CUL2: variants seen among roughly 807,000 people sequenced by gnomAD.
The protein encoded by CUL2 is cullin 2, also known as cullin-2.
In CUL2, 22 loss-of-function variants were observed where a neutral mutation model predicts 110.2. That is an observed-to-expected ratio of 0.20 (90% CI 0.14 to 0.28). The LOEUF (loss-of-function observed/expected upper bound fraction) is 0.28. Among genes scored for constraint, CUL2 ranks in the 10% least tolerant of loss-of-function variants. The pLI, the probability that CUL2 is intolerant of heterozygous loss-of-function variation, is 1.00. For synonymous variants in CUL2, 279 were observed against 293.2 expected, an observed-to-expected ratio of 0.95 and a Z score of 0.49; for missense variants, 631 against 905.5, an observed-to-expected ratio of 0.70 and a Z score of 3.89.
chr10:35,064,115 A>G (rs1015105467), intron 2 of CUL2: 1 of 152,186 alleles, frequency 6.6e-6, no homozygotes, highest in Non-Finnish European at 1.5e-5. Context: ...AAGATAATGA[A>G]TCTTTCCCTG....
In CUL2 at chr10:35,009,238, G is replaced by A. The variant is rs1019451681; in HGVS notation, c.*1073C>T. 7.6e-5 allele frequency: 11 copies of A among 145,506 alleles called. No homozygotes were observed. Among genetic ancestry groups the A allele is most frequent in the Middle Eastern group, 3.6e-3 (1 of 278 alleles). 9.0% of individuals were successfully genotyped at this position (145,506 alleles called of 1,614,324 possible). A position where few individuals can be genotyped will look rare whatever the true frequency, so the allele number is the denominator to read the frequency against. On this transcript the variant is annotated 3_prime_UTR_variant, in exon 21 of 21. Coordinates refer to ENST00000374749, the MANE Select transcript of CUL2 (RefSeq NM_003591.4). ...ATATATATAAAATAAACAAAATAAT[G>A]GGATTTATATATGTGGCACCCAGTA... is the stretch of plus-strand genomic sequence containing the variant.
At chr10:35,043,137 C>T (rs1159189695) in intron 8 of CUL2, among the ~76,000 whole-genome samples, 1 of 152,080 alleles carries the variant, frequency 6.6e-6, no homozygotes, top group Non-Finnish European at 1.5e-5. Context: ...AATAATATTC[C>T]AATGCACATA....
chr10:35,014,021 A>C (rs1213041994), intron 18 of CUL2, among the ~76,000 whole-genome samples: 1 of 152,240 alleles, frequency 6.6e-6, no homozygotes, highest in Non-Finnish European at 1.5e-5. Context: ...CAGAATCTTA[A>C]GCAGTTTATG....
In CUL2 at chr10:35,084,431, T is replaced by C. The variant is rs542499320; in HGVS notation, c.-23+5748A>G. On this transcript the variant is annotated intron_variant, in intron 1 of 20. Coordinates refer to ENST00000374749, the MANE Select transcript of CUL2 (RefSeq NM_003591.4). ...AGTTTCTACAGATCCAACACCACAA[T>C]CTTAACCTAACACTACTACTGTCTC... Among the ~76,000 whole-genome samples the C allele has an allele frequency of 2.6e-5, 4 of 152,282 alleles. No homozygotes were observed. In the South Asian group the frequency reaches 8.3e-4, roughly 32 times the overall value.
In CUL2 at chr10:35,039,118, G is replaced by C. The variant is rs573786827; in HGVS notation, c.715-36C>G. 2.9e-6 allele frequency: 4 copies of C among 1,363,346 alleles called. No individual in the cohort carries two copies. The East Asian group carries it at 1.0e-4, about 35-fold the overall frequency. 84.5% of individuals were successfully genotyped at this position (1,363,346 alleles called of 1,614,324 possible). A position where few individuals can be genotyped will look rare whatever the true frequency, so the allele number is the denominator to read the frequency against. ...ATTTTCTTACAGTCATGAACACAAA[G>C]TTTTACTATGAGGAAAAATCTGTAA... On this transcript the variant is annotated intron_variant, in intron 8 of 20. Coordinates refer to ENST00000374749, the MANE Select transcript of CUL2 (RefSeq NM_003591.4).
At chr10:35,109,615 C>T (rs2087503733) in intron 1 of CUL2, among the ~76,000 whole-genome samples, 1 of 152,166 alleles carries the variant, frequency 6.6e-6, no homozygotes, top group South Asian at 2.1e-4. Flanking sequence ...CAAGGAGAGG[C>T]CAGCCCCACA....
intron 4 of CUL2, among the ~76,000 whole-genome samples, chr10:35,060,106 A>C (rs2086344245): frequency 6.6e-6 from 1 of 152,106 alleles, no homozygotes; most frequent in African/African-American, 2.4e-5. Flanking sequence ...CAAAAAATGA[A>C]CAACATTAGC....
intron 17 of CUL2, among the ~76,000 whole-genome samples, chr10:35,020,322 G>A (rs1473534290): frequency 6.6e-6 from 1 of 152,178 alleles, no homozygotes; most frequent in Admixed American, 6.5e-5. Flanking sequence ...AGTGACCTCT[G>A]ACAGTCAAGC....
At chr10:35,059,886 T>C (rs981751744) in intron 4 of CUL2, among the ~76,000 whole-genome samples, 18 of 152,206 alleles carry the variant, frequency 1.2e-4, no homozygotes, top group Admixed American at 3.9e-4. Context: ...CTAACTCATA[T>C]CATTTTACAC....
chr10:35,048,022 A>T (rs1283029539), intron 6 of CUL2, among the ~76,000 whole-genome samples: 1 of 152,200 alleles, frequency 6.6e-6, no homozygotes, highest in Admixed American at 6.5e-5. Flanking sequence ...GAGTCAGATC[A>T]CCACCATTGA....
chr10:35,018,094 C>T (rs909708202), intron 17 of CUL2, among the ~76,000 whole-genome samples: 42 of 139,132 alleles, frequency 3.0e-4, no homozygotes, highest in Non-Finnish European at 7.7e-5. Flanking sequence ...ATCGAGACCA[C>T]GGTGAAACCC....
chr10:35,125,077 A>C (rs1166978393), intron 1 of CUL2, among the ~76,000 whole-genome samples: 1 of 152,188 alleles, frequency 6.6e-6, no homozygotes, highest in East Asian at 1.9e-4. Context: ...GGTAGGTACT[A>C]TTTTTCTTCC....
At chr10:35,079,007 A>G (rs2086885752) in intron 1 of CUL2, among the ~76,000 whole-genome samples, 1 of 152,168 alleles carries the variant, frequency 6.6e-6, no homozygotes, top group South Asian at 2.1e-4. Flanking sequence ...AATACTGAAG[A>G]CCCAATAAAG....
At chr10:35,030,435 T>A (rs1487922795) in intron 14 of CUL2, among the ~76,000 whole-genome samples, 1 of 152,022 alleles carries the variant, frequency 6.6e-6, no homozygotes, top group Non-Finnish European at 1.5e-5. Context: ...CAGGATGGAG[T>A]GCAGTGGTAT....
intron 1 of CUL2, among the ~76,000 whole-genome samples, chr10:35,113,818 T>C (rs2087554540): frequency 6.6e-6 from 1 of 151,542 alleles, no homozygotes; most frequent in African/African-American, 2.4e-5. Flanking sequence ...GTGATTCTCC[T>C]GCATCAGGCC....
At chr10:35,071,471 C>A (rs1297188436) in intron 1 of CUL2, 132 bp from the exon 2 acceptor site, 1 of 681,514 alleles carries the variant, frequency 1.5e-6, no homozygotes, top group African/African-American at 1.8e-5. Flanking sequence ...ATGGCGTGAT[C>A]TTGGCTCACT....
chr10:35,078,480 T>A (rs1436311892), intron 1 of CUL2, among the ~76,000 whole-genome samples: 1 of 151,930 alleles, frequency 6.6e-6, no homozygotes, highest in Non-Finnish European at 1.5e-5. Flanking sequence ...TTTTTTTTTT[T>A]AGTAGAGACG....
At chr10:35,067,616 C>T (rs1272435476) in intron 2 of CUL2, among the ~76,000 whole-genome samples, 1 of 151,676 alleles carries the variant, frequency 6.6e-6, no homozygotes, top group Non-Finnish European at 1.5e-5. Context: ...CCAGGTCATG[C>T]ACATGTAATC....
intron 4 of CUL2, among the ~76,000 whole-genome samples, chr10:35,058,486 C>T (rs187153109): frequency 6.6e-6 from 1 of 152,162 alleles, no homozygotes; most frequent in African/African-American, 2.4e-5. Flanking sequence ...ATTGTAACTC[C>T]AGATCTGTAG....
Sources: allele counts gnomAD v4.1 joint callset (sites outside exome capture counted in the v4.1 genomes callset), GRCh38; gene constraint gnomAD v4.1.1; transcripts MANE v1.5; gene names NCBI Gene and HGNC (gene_info 2026-07-23, HGNC 2026-07-21).